GPC6: variants seen among roughly 807,000 people sequenced by gnomAD.
GPC6 encodes the protein glypican-6.
Under a neutral mutation model 55.2 loss-of-function variants are expected in GPC6, and 14 were observed. The ratio of observed to expected loss-of-function variants is 0.25; its 90% CI spans 0.17 to 0.40. The LOEUF (loss-of-function observed/expected upper bound fraction) is 0.40. GPC6 is among the 10% of genes least tolerant of loss of function. The probability of loss-of-function intolerance (pLI) is 1.00; values close to 1 mark genes in which losing one functional copy is unlikely to be tolerated. For synonymous variants in GPC6, 278 were observed against 259.6 expected (o/e 1.07, Z -0.68); for missense variants, 641 against 708.5 (o/e 0.90, Z 1.08).
intron 2 of GPC6, among the ~76,000 whole-genome samples, chr13:93,812,845 T>C (rs1331369750): frequency 6.6e-6 from 1 of 152,222 alleles, no homozygotes; most frequent in Non-Finnish European, 1.5e-5. Flanking sequence ...AGGAAGGGAC[T>C]ATTATTATTT....
intron 4 of GPC6, among the ~76,000 whole-genome samples, chr13:94,191,143 C>T (rs1033687180): frequency 6.6e-6 from 1 of 152,140 alleles, no homozygotes; most frequent in African/African-American, 2.4e-5. Context: ...AGTAACAAGA[C>T]TGGATTTTAC....
chr13:93,354,057 C>T (rs1309147432), intron 1 of GPC6, among the ~76,000 whole-genome samples: 7 of 151,998 alleles, frequency 4.6e-5, no homozygotes, highest in Admixed American at 6.6e-5. Context: ...TCTAAAAATC[C>T]GACAAGAACT....
intron 1 of GPC6, among the ~76,000 whole-genome samples, chr13:93,365,098 C>T (rs9556286): frequency 0.15 from 23,079 of 152,052 alleles, 2,156 homozygotes; most frequent in East Asian, 0.37. Context: ...ATATCTTTAA[C>T]TCTAGTTTCT....
At chr13:93,563,297 G>C (rs2139461494) in intron 2 of GPC6, among the ~76,000 whole-genome samples, 1 of 152,232 alleles carries the variant, frequency 6.6e-6, no homozygotes, top group East Asian at 1.9e-4. Flanking sequence ...GGAGGGATGG[G>C]GAGTGGGAAA....
chr13:93,363,007 A>C (rs1037029112), intron 1 of GPC6, among the ~76,000 whole-genome samples: 1 of 152,046 alleles, frequency 6.6e-6, no homozygotes, highest in East Asian at 1.9e-4. Flanking sequence ...CTGATGAACG[A>C]CTATTTTTTA....
intron 2 of GPC6, among the ~76,000 whole-genome samples, chr13:93,591,597 G>C (rs563579250): frequency 6.6e-6 from 1 of 152,114 alleles, no homozygotes; most frequent in Admixed American, 6.5e-5. Flanking sequence ...ATTAACAGCT[G>C]TTTAATCTGA....
rs772224909 is a variant in GPC6, at chr13:94,098,533, A to G, written c.877+70639A>G. On this transcript the variant is annotated intron_variant, in intron 4 of 8. Coordinates refer to ENST00000377047, the MANE Select transcript of GPC6 (RefSeq NM_005708.5). ...GATGAAATGCAGACAAGAGCATGCCAGGGACCCAGCTTGTTGGGAAGCTTC... is the reference window on the plus strand; with the variant it reads ...GATGAAATGCAGACAAGAGCATGCCGGGGACCCAGCTTGTTGGGAAGCTTC... 2.0e-5 allele frequency among the ~76,000 whole-genome samples: 3 copies of G among 152,214 alleles called. No individual in the cohort carries two copies. In the South Asian group the frequency reaches 6.2e-4, roughly 31 times the overall value.
intron 4 of GPC6, among the ~76,000 whole-genome samples, chr13:94,139,778 CA>C (rs1887311604): frequency 6.6e-6 from 1 of 152,198 alleles, no homozygotes; most frequent in South Asian, 2.1e-4. Flanking sequence ...TCTGCAAACA[CA>C]GCTTCTACTG....
chr13:93,960,167 C>T (rs1035989837), intron 3 of GPC6, among the ~76,000 whole-genome samples: 1 of 152,220 alleles, frequency 6.6e-6, no homozygotes, highest in African/African-American at 2.4e-5. Flanking sequence ...GCTTTCTCCT[C>T]TTGCGGGCTC....
At chr13:93,423,239 T>C (rs1235047942) in intron 1 of GPC6, among the ~76,000 whole-genome samples, 1 of 152,178 alleles carries the variant, frequency 6.6e-6, no homozygotes, top group Non-Finnish European at 1.5e-5. Context: ...CACACAGGAC[T>C]GAATGTCTTC....
chr13:93,336,229 T>TA (rs1217181155), intron 1 of GPC6, among the ~76,000 whole-genome samples: 3 of 152,202 alleles, frequency 2.0e-5, no homozygotes, highest in Non-Finnish European at 4.4e-5. Flanking sequence ...AAGCGTTGTG[T>TA]AAAATGTGTG....
chr13:94,159,213 C>T (rs1400176279), intron 4 of GPC6, among the ~76,000 whole-genome samples: 1 of 152,124 alleles, frequency 6.6e-6, no homozygotes, highest in Non-Finnish European at 1.5e-5. Flanking sequence ...TCTTTCTGAG[C>T]CTCAGATTCC....
chr13:93,511,897 G>A (rs1162618187), intron 1 of GPC6, among the ~76,000 whole-genome samples: 1 of 151,692 alleles, frequency 6.6e-6, no homozygotes, highest in African/African-American at 2.4e-5. Context: ...TTTGTTTAAT[G>A]TATTCCAAGG....
chr13:94,282,405 T>C (rs1566630760), intron 4 of GPC6, among the ~76,000 whole-genome samples: 3 of 152,162 alleles, frequency 2.0e-5, no homozygotes, highest in Admixed American at 6.5e-5. Flanking sequence ...TCACTCACTG[T>C]CATGAGAACA....
intron 7 of GPC6, among the ~76,000 whole-genome samples, chr13:94,384,355 G>A (rs1483263368): frequency 6.6e-6 from 1 of 152,198 alleles, no homozygotes; most frequent in African/African-American, 2.4e-5. Flanking sequence ...TGACTGTACA[G>A]AAAGACACTG....
intron 4 of GPC6, among the ~76,000 whole-genome samples, chr13:94,134,399 G>A (rs1463503710): frequency 2.6e-5 from 4 of 152,118 alleles, no homozygotes; most frequent in Non-Finnish European, 2.9e-5. Flanking sequence ...TCCTAGGAAG[G>A]GCCACATTTC....
At chr13:93,765,799 T>C (rs1432202888) in intron 2 of GPC6, among the ~76,000 whole-genome samples, 1 of 152,236 alleles carries the variant, frequency 6.6e-6, no homozygotes, top group African/African-American at 2.4e-5. Context: ...AAGAGAATTT[T>C]CACTTCATGG....
At chr13:93,769,106 C>T (rs1483888539) in intron 2 of GPC6, among the ~76,000 whole-genome samples, 1 of 152,128 alleles carries the variant, frequency 6.6e-6, no homozygotes, top group African/African-American at 2.4e-5. Flanking sequence ...GGCTCATTCC[C>T]TTACAATCTT....
At chr13:93,288,992 G>T (rs1878227983) in intron 1 of GPC6, among the ~76,000 whole-genome samples, 1 of 152,196 alleles carries the variant, frequency 6.6e-6, no homozygotes, top group Non-Finnish European at 1.5e-5. Context: ...GCAGTGAAAT[G>T]AGAATCTGAA....
Sources: allele counts gnomAD v4.1 joint callset (sites outside exome capture counted in the v4.1 genomes callset), GRCh38; gene constraint gnomAD v4.1.1; transcripts MANE v1.5; gene names NCBI Gene and HGNC (gene_info 2026-07-23, HGNC 2026-07-21).